Variants in DYNC2H1 observed in about 807,000 individuals in gnomAD.
DYNC2H1 encodes dynein cytoplasmic 2 heavy chain 1.
Under a neutral mutation model 570.0 loss-of-function variants are expected in DYNC2H1, and 410 were observed. The observed-to-expected ratio is 0.72, with a 90% CI of 0.66 to 0.78. DYNC2H1 has a LOEUF of 0.78. Ranked by LOEUF, DYNC2H1 falls within the 30% of genes least tolerant of loss-of-function variation. The probability of loss-of-function intolerance (pLI) is 0.00; values close to 1 mark genes in which losing one functional copy is unlikely to be tolerated. For synonymous variants in DYNC2H1, 1,688 were observed against 1,677.6 expected (o/e 1.01, Z -0.15); for missense variants, 4,865 against 5,046.4 (o/e 0.96, Z 1.09).
chr11:103,332,162 G>A (rs1591590700), intron 82 of DYNC2H1, among the ~76,000 whole-genome samples: 1 of 151,472 alleles, frequency 6.6e-6, no homozygotes, highest in South Asian at 2.1e-4. Context: ...TTAATAAAAT[G>A]AAAGTGCTAG....
chr11:103,233,842 G>A (rs1041283657), intron 60 of DYNC2H1, among the ~76,000 whole-genome samples, 192 bp from the exon 61 acceptor site: 61 of 83,018 alleles, frequency 7.3e-4, no homozygotes, highest in South Asian at 3.4e-3. Context: ...GTGTGTGTGT[G>A]TGTGTGTGTG....
chr11:103,213,443 T>C (rs951876226), intron 54 of DYNC2H1, among the ~76,000 whole-genome samples: 11 of 152,196 alleles, frequency 7.2e-5, no homozygotes, highest in Non-Finnish European at 1.3e-4. Context: ...TCTGTTTAGC[T>C]TTTCTATGAT....
chr11:103,262,274 T>A (rs1403736553), intron 70 of DYNC2H1, among the ~76,000 whole-genome samples: 5 of 152,180 alleles, frequency 3.3e-5, no homozygotes, highest in Non-Finnish European at 5.9e-5. Context: ...TAGAAAACAG[T>A]CTTCAGGATA....
At chr11:103,158,623 T>A in intron 26 of DYNC2H1, 54 bp from the exon 27 acceptor site, 1 of 1,440,244 alleles carries the variant, frequency 6.9e-7, no homozygotes, top group South Asian at 1.4e-5. Flanking sequence ...TCTGTTTTTC[T>A]TACCCCCCCA....
In DYNC2H1 at chr11:103,289,510, C is replaced by T. The variant is rs1338528144; in HGVS notation, c.11095+1905C>T. 1.3e-5 allele frequency among the ~76,000 whole-genome samples: 2 copies of T among 152,148 alleles called. No individual in the cohort carries two copies. The highest frequency in any genetic ancestry group is 4.8e-5 in the African/African-American group (2 of 41,414). ...AAGGTGGTTTCAGTACCTGTAATCC[C>T]AGCACATTTGGAGGCTGACGGGGGA... On this transcript the variant is annotated intron_variant, in intron 75 of 88. Transcript: ENST00000375735. This position sits in a 1 kb window ranked among gnomAD's most constrained non-coding sequence, Gnocchi z 4.2.
intron 78 of DYNC2H1, among the ~76,000 whole-genome samples, chr11:103,310,620 T>C (rs1332532066): frequency 6.6e-6 from 1 of 151,442 alleles, no homozygotes; most frequent in Non-Finnish European, 1.5e-5. Flanking sequence ...ATAAAAGCTT[T>C]CATTAAAAAA....
At chr11:103,128,840 TCAAA>T (rs948826509) in intron 12 of DYNC2H1, 66 bp from the exon 13 acceptor site, 1 of 1,275,716 alleles carries the variant, frequency 7.8e-7, no homozygotes, top group Non-Finnish European at 1.1e-6. Flanking sequence ...ACATTTTCAT[TCAAA>T]CAATTAAAAA....
intron 36 of DYNC2H1, 102 bp downstream of exon 36, chr11:103,174,272 G>A: frequency 1.1e-6 from 1 of 940,740 alleles, no homozygotes. Flanking sequence ...ACAATATTAA[G>A]GATTACTGTA....
At position 103,120,686 on chromosome 11, in the gene DYNC2H1, T is replaced by C. The variant is rs767277001; in HGVS notation, c.1135-3T>C. ...AGTCTAACAATGTTGTTAATGTATG[T>C]AGCCCTTGTGGAAAGCTGCGGTGTC... On this transcript the variant is annotated splice_polypyrimidine_tract_variant and splice_region_variant and intron_variant, in intron 7 of 88. Transcript: ENST00000375735. 1.2e-6 allele frequency: 2 copies of C among 1,611,748 alleles called. No homozygotes were observed. The highest frequency in any genetic ancestry group is 1.1e-5 in the South Asian group (1 of 90,632).
intron 84 of DYNC2H1, among the ~76,000 whole-genome samples, chr11:103,426,586 G>A (rs1943680278): frequency 6.6e-6 from 1 of 152,098 alleles, no homozygotes; most frequent in Non-Finnish European, 1.5e-5. Context: ...TTAATTTACT[G>A]AACATCTATG....
intron 82 of DYNC2H1, among the ~76,000 whole-genome samples, chr11:103,347,835 T>A (rs919791232): frequency 5.3e-5 from 8 of 151,884 alleles, no homozygotes; most frequent in Non-Finnish European, 1.2e-4. Context: ...ACTTTTCAAG[T>A]CCCCCTCACA....
Position 103,179,252 on chromosome 11 carries a change from A to C in DYNC2H1, c.6347+19A>C. ...TTCTTAGGTAAGCCATAGATTATTTATATACAGTATATTAGAATATTCTTT... is the reference window on the plus strand; with the variant it reads ...TTCTTAGGTAAGCCATAGATTATTTCTATACAGTATATTAGAATATTCTTT... On this transcript the variant is annotated intron_variant, in intron 39 of 88. Coordinates refer to ENST00000375735, the MANE Select transcript of DYNC2H1 (RefSeq NM_001377.3). 6.2e-7 allele frequency: 1 copy of C among 1,604,100 alleles called. No homozygotes were observed. The highest frequency in any genetic ancestry group is 8.5e-7 in the Non-Finnish European group (1 of 1,172,368).
intron 21 of DYNC2H1, among the ~76,000 whole-genome samples, 189 bp from the exon 22 acceptor site, chr11:103,153,114 C>T (rs950620916): frequency 1.3e-5 from 2 of 151,960 alleles, no homozygotes; most frequent in African/African-American, 4.8e-5. Context: ...AATTTATGGT[C>T]TAATTTATAT....
intron 70 of DYNC2H1, among the ~76,000 whole-genome samples, chr11:103,270,435 A>C (rs552340528): frequency 6.6e-6 from 1 of 152,284 alleles, no homozygotes; most frequent in Non-Finnish European, 1.5e-5. Context: ...TTAATTTATA[A>C]ATTAGGCACA....
At chr11:103,144,937 G>A (rs980010071) in intron 18 of DYNC2H1, among the ~76,000 whole-genome samples, 3 of 151,676 alleles carry the variant, frequency 2.0e-5, no homozygotes, top group Non-Finnish European at 1.5e-5. Flanking sequence ...CTGGAGTGTA[G>A]TGGCATGATA....
intron 85 of DYNC2H1, among the ~76,000 whole-genome samples, chr11:103,448,596 G>A (rs1944500996): frequency 6.6e-6 from 1 of 152,170 alleles, no homozygotes; most frequent in Non-Finnish European, 1.5e-5. Flanking sequence ...TCAATCCACA[G>A]TAGAAGAGGG....
chr11:103,238,600 CA>C lies in DYNC2H1; in HGVS notation c.9819+2062del, dbSNP rs879398130. ...ACACACATACACACACACACACACACACACCCCAATGCTAAAGCTTTTCTGA... is the reference window on the plus strand; with the variant it reads ...ACACACATACACACACACACACACACCACCCCAATGCTAAAGCTTTTCTGA... On this transcript the variant is annotated intron_variant, in intron 63 of 88. Coordinates refer to ENST00000375735, the MANE Select transcript of DYNC2H1 (RefSeq NM_001377.3). Among the ~76,000 whole-genome samples the C allele has an allele frequency of 3.5e-3, 529 of 152,072 alleles. 4 individuals carry two copies. Among genetic ancestry groups the C allele is most frequent in the South Asian group, 0.013 (62 of 4,816 alleles).
chr11:103,330,059 C>T (rs1446371174), intron 82 of DYNC2H1, among the ~76,000 whole-genome samples: 3 of 152,024 alleles, frequency 2.0e-5, no homozygotes, highest in Admixed American at 6.5e-5. Context: ...ACATTATTTG[C>T]CTCTAATATA....
intron 83 of DYNC2H1, among the ~76,000 whole-genome samples, chr11:103,379,048 A>G (rs1241884206): frequency 6.6e-6 from 1 of 152,150 alleles, no homozygotes; most frequent in Non-Finnish European, 1.5e-5. Flanking sequence ...ATGCTATGGT[A>G]TATTAGGTTC....
Sources: allele counts gnomAD v4.1 joint callset (sites outside exome capture counted in the v4.1 genomes callset), GRCh38; gene constraint gnomAD v4.1.1; non-coding constraint Gnocchi (gnomAD v3.1); transcripts MANE v1.5; gene names NCBI Gene and HGNC (gene_info 2026-07-23, HGNC 2026-07-21).